The following CSMD1 variants were observed in gnomAD, a reference collection of about 807,000 sequenced individuals.
CSMD1 encodes CUB and sushi domain-containing protein 1.
A neutral mutation model predicts 417.5 loss-of-function variants in CSMD1; 213 were observed. The ratio of observed to expected loss-of-function variants is 0.51; its 90% CI spans 0.46 to 0.57. CSMD1 has a LOEUF of 0.57. Ranked by LOEUF, CSMD1 falls within the 20% of genes least tolerant of loss-of-function variation. The pLI, the probability that CSMD1 is intolerant of heterozygous loss-of-function variation, is 0.00. For missense variants in CSMD1, 6,923 were observed against 4,529.7 expected, an observed-to-expected ratio of 1.53 and a Z score of -15.17; for synonymous variants, 2,862 against 1,736.8, an observed-to-expected ratio of 1.65 and a Z score of -16.11.
At position 3,487,533 on chromosome 8, in the gene CSMD1, T is replaced by C. The variant is rs150800128; in HGVS notation, c.1448+6090A>G. ...ATAAATTTAAGGCAGATTTTAGGAA[T>C]AGCATATATAAATCGATACATCTAG... On this transcript the variant is annotated intron_variant, in intron 11 of 69. Transcript: ENST00000635120. Among the ~76,000 whole-genome samples, 898 of 152,260 alleles carry C rather than the reference T, an allele frequency of 5.9e-3. 10 individuals are homozygous for C. Among genetic ancestry groups the C allele is most frequent in the African/African-American group, 0.02 (816 of 41,544 alleles).
chr8:3,863,247 A>C (rs1209770673), intron 5 of CSMD1, among the ~76,000 whole-genome samples: 1 of 152,026 alleles, frequency 6.6e-6, no homozygotes, highest in East Asian at 1.9e-4. Flanking sequence ...AAATACAAAA[A>C]CTGGCTAGGT....
At chr8:3,111,768 G>T (rs1391285088) in intron 42 of CSMD1, among the ~76,000 whole-genome samples, 1 of 152,004 alleles carries the variant, frequency 6.6e-6, no homozygotes, top group South Asian at 2.1e-4. Flanking sequence ...GGAGGCAGAG[G>T]GTGTAGTAAG....
chr8:2,954,384 T>C (rs1361070764), intron 64 of CSMD1, 116 bp from the exon 65 acceptor site: 1 of 605,264 alleles, frequency 1.7e-6, no homozygotes, highest in African/African-American at 1.9e-5. Context: ...ATGTACAAAA[T>C]ATGAATACCT....
intron 2 of CSMD1, among the ~76,000 whole-genome samples, chr8:4,575,079 A>AATC (rs1161008314): frequency 2.0e-5 from 3 of 152,206 alleles, no homozygotes; most frequent in Admixed American, 6.5e-5. Flanking sequence ...TATAAAATAG[A>AATC]ATCCAGCCAA....
At chr8:4,307,364 G>C (rs548891021) in intron 3 of CSMD1, among the ~76,000 whole-genome samples, 85 of 152,204 alleles carry the variant, frequency 5.6e-4, no homozygotes, top group South Asian at 1.0e-3. Flanking sequence ...TGGGAGAGGT[G>C]GTGGAGCACA....
At chr8:4,173,726 T>A (rs1273548983) in intron 3 of CSMD1, among the ~76,000 whole-genome samples, 2 of 151,916 alleles carry the variant, frequency 1.3e-5, no homozygotes. Context: ...AATGAGAAAA[T>A]TTTTTGTCAT....
At chr8:4,857,717 G>T (rs1357140430) in intron 1 of CSMD1, among the ~76,000 whole-genome samples, 1 of 151,960 alleles carries the variant, frequency 6.6e-6, no homozygotes, top group Non-Finnish European at 1.5e-5. Context: ...AAACCAGGAA[G>T]AAGTTGAATC....
intron 2 of CSMD1, among the ~76,000 whole-genome samples, chr8:4,526,355 G>C (rs1410215534): frequency 6.6e-6 from 1 of 152,218 alleles, no homozygotes; most frequent in Non-Finnish European, 1.5e-5. Context: ...GGTTCACGCT[G>C]ACCATGAAGA....
At chr8:3,730,197 C>T (rs963907028) in intron 6 of CSMD1, among the ~76,000 whole-genome samples, 22 of 152,150 alleles carry the variant, frequency 1.4e-4, no homozygotes, top group African/African-American at 5.1e-4. Context: ...AACAGGTAGG[C>T]AGAGAATGAG....
At position 3,572,649 on chromosome 8, in the gene CSMD1, C is replaced by T. The variant is rs150336345; in HGVS notation, c.1344+2296G>A. On this transcript the variant is annotated intron_variant, in intron 10 of 69. Coordinates refer to ENST00000635120, the MANE Select transcript of CSMD1 (RefSeq NM_033225.6). ...AATTCAAGAAGAGTTCCTTCTGCCTCTCAAATTGCAGAAGTAACATAATTC... is the reference window on the plus strand; with the variant it reads ...AATTCAAGAAGAGTTCCTTCTGCCTTTCAAATTGCAGAAGTAACATAATTC... Among the ~76,000 whole-genome samples, 5 of 152,304 alleles carry T rather than the reference C, an allele frequency of 3.3e-5. No homozygotes were observed. The East Asian group carries it at 7.7e-4, about 23-fold the overall frequency.
At chr8:4,924,808 TG>T (rs1163731228) in intron 1 of CSMD1, among the ~76,000 whole-genome samples, 1 of 152,046 alleles carries the variant, frequency 6.6e-6, no homozygotes, top group African/African-American at 2.4e-5. Context: ...TGTATCATAT[TG>T]TTTTCATTTG....
rs540189385 is a variant in CSMD1 at position 4,569,448 on chromosome 8, G to A, written c.302+67894C>T. 2.0e-5 allele frequency among the ~76,000 whole-genome samples: 3 copies of A among 152,188 alleles called. No individual in the cohort carries two copies. In the South Asian group the frequency reaches 6.2e-4, roughly 32 times the overall value. On this transcript the variant is annotated intron_variant, in intron 2 of 69. Coordinates refer to ENST00000635120, the MANE Select transcript of CSMD1 (RefSeq NM_033225.6). The stretch of plus-strand genomic sequence containing the variant: ...TTGTCAGGTTTGTCAAACATCAGAT[G>A]GTTGTAGATGTGTGGTGTTATTTCT...
chr8:4,480,185 CACAAAAAAAAAAAA>C (rs1801016795), intron 2 of CSMD1, among the ~76,000 whole-genome samples: 1 of 113,104 alleles, frequency 8.8e-6, no homozygotes, highest in East Asian at 2.1e-4. Context: ...ATTGTTATCT[CACAAAAAAAAAAAA>C]ACAAAAAAAA....
rs1403769741 is a variant in CSMD1, at chr8:4,177,334, G to C, written c.416-145235C>G. ...ACAACCTGCTCCTGAATGAATACTG[G>C]GTACATAACGAAATGACGGCAGAAA... On this transcript the variant is annotated intron_variant, in intron 3 of 69. Coordinates refer to ENST00000635120, the MANE Select transcript of CSMD1 (RefSeq NM_033225.6). Among the ~76,000 whole-genome samples the C allele has an allele frequency of 6.6e-5, 10 of 151,906 alleles. 1 individual carries two copies. The highest frequency in any genetic ancestry group is 1.3e-4 in the Non-Finnish European group (9 of 68,014).
At chr8:4,992,228 C>G (rs1563947441) in intron 1 of CSMD1, among the ~76,000 whole-genome samples, 1 of 150,568 alleles carries the variant, frequency 6.6e-6, no homozygotes, top group Non-Finnish European at 1.5e-5. Context: ...CACCCTCCCT[C>G]CCGCCTCCGC....
intron 15 of CSMD1, among the ~76,000 whole-genome samples, chr8:3,400,712 A>C (rs1811987269): frequency 6.6e-6 from 1 of 151,922 alleles, no homozygotes; most frequent in African/African-American, 2.4e-5. Context: ...GTAATAAAAG[A>C]AAAATTTTAT....
chr8:3,971,987 G>T (rs1225677169), intron 5 of CSMD1, among the ~76,000 whole-genome samples: 2 of 151,834 alleles, frequency 1.3e-5, no homozygotes, highest in African/African-American at 4.8e-5. Flanking sequence ...GCTCACTGCA[G>T]CCTTGACCTC....
At chr8:3,863,867 C>T (rs942972644) in intron 5 of CSMD1, among the ~76,000 whole-genome samples, 3 of 152,038 alleles carry the variant, frequency 2.0e-5, no homozygotes, top group African/African-American at 7.2e-5. Flanking sequence ...CCACTTCTTT[C>T]AGTTTCAAAG....
intron 3 of CSMD1, among the ~76,000 whole-genome samples, chr8:4,400,316 C>T (rs935806773): frequency 6.6e-6 from 1 of 152,192 alleles, no homozygotes; most frequent in African/African-American, 2.4e-5. Flanking sequence ...AGTTCCTGGT[C>T]CCATAGGAAA....
Sources: gnomAD v4.1 joint callset for allele counts (sites outside exome capture counted in the v4.1 genomes callset) on GRCh38, gnomAD v4.1.1 for gene constraint, MANE v1.5 for transcripts, NCBI Gene and HGNC (gene_info 2026-07-23, HGNC 2026-07-21) for gene names.